The following GLIS1 variants were observed in gnomAD, a reference collection of about 807,000 sequenced individuals.
GLIS1 encodes the protein zinc finger protein GLIS1.
Under a neutral mutation model 63.8 loss-of-function variants are expected in GLIS1, and 24 were observed. The ratio of observed to expected loss-of-function variants is 0.38; its 90% CI spans 0.27 to 0.53. The LOEUF is 0.53. GLIS1 is among the 20% of genes least tolerant of loss of function. GLIS1 has a pLI of 0.85. For missense variants in GLIS1, 1,036 were observed against 1,074.1 expected (o/e 0.96, Z 0.50); for synonymous variants, 450 against 482.5 (o/e 0.93, Z 0.88).
At chr1:53,684,881 C>G (rs991220129) in intron 2 of GLIS1, among the ~76,000 whole-genome samples, 1 of 152,150 alleles carries the variant, frequency 6.6e-6, no homozygotes, top group Non-Finnish European at 1.5e-5. Flanking sequence ...TGGCTCTGCC[C>G]AGATCAGTGA....
At chr1:53,510,373 G>C (rs192523796) in intron 8 of GLIS1, among the ~76,000 whole-genome samples, 2 of 152,154 alleles carry the variant, frequency 1.3e-5, no homozygotes, top group African/African-American at 4.8e-5. Flanking sequence ...TTTCCTGGAC[G>C]GGCTGCTGGC....
intron 4 of GLIS1, among the ~76,000 whole-genome samples, chr1:53,588,302 C>A (rs1645156447): frequency 6.6e-6 from 1 of 152,210 alleles, no homozygotes; most frequent in African/African-American, 2.4e-5. Flanking sequence ...CATCTCTGCA[C>A]CCCCAGCTCC....
chr1:53,696,108 A>C (rs1646462726), intron 2 of GLIS1, among the ~76,000 whole-genome samples: 1 of 152,228 alleles, frequency 6.6e-6, no homozygotes, highest in Non-Finnish European at 1.5e-5. Flanking sequence ...ACAATTCTGA[A>C]GGTTTCCCTC....
chr1:53,569,421 T>C (rs1481217876), intron 4 of GLIS1, among the ~76,000 whole-genome samples: 2 of 152,094 alleles, frequency 1.3e-5, no homozygotes, highest in Non-Finnish European at 2.9e-5. Flanking sequence ...TAACTCCATG[T>C]ACCTTCCACT....
intron 1 of GLIS1, among the ~76,000 whole-genome samples, chr1:53,738,634 C>A (rs1484571236): frequency 2.0e-5 from 3 of 152,202 alleles, no homozygotes; most frequent in Admixed American, 1.3e-4. Context: ...AGAGACTCAC[C>A]CGCGACCACC....
chr1:53,650,245 G>A (rs1645890854), intron 2 of GLIS1, among the ~76,000 whole-genome samples: 2 of 152,186 alleles, frequency 1.3e-5, no homozygotes, highest in Admixed American at 1.3e-4. Flanking sequence ...ACCAGTAACT[G>A]TGCTTGATCC....
At chr1:53,702,891 G>A (rs1354605429) in intron 2 of GLIS1, among the ~76,000 whole-genome samples, 4 of 152,188 alleles carry the variant, frequency 2.6e-5, no homozygotes, top group Non-Finnish European at 5.9e-5. Flanking sequence ...GGCACTGAAG[G>A]CCACCGTGGC....
At chr1:53,675,048 C>T (rs1646197171) in intron 2 of GLIS1, among the ~76,000 whole-genome samples, 1 of 152,240 alleles carries the variant, frequency 6.6e-6, no homozygotes, top group Non-Finnish European at 1.5e-5. Flanking sequence ...TCCTCACTCA[C>T]TTCCAGCCAG....
At chr1:53,696,480 C>T (rs1405102669) in intron 2 of GLIS1, among the ~76,000 whole-genome samples, 1 of 152,158 alleles carries the variant, frequency 6.6e-6, no homozygotes, top group Non-Finnish European at 1.5e-5. Flanking sequence ...TCTGAAAGAT[C>T]GAAAAATGCA....
chr1:53,693,167 A>G (rs1365709451), intron 2 of GLIS1, among the ~76,000 whole-genome samples: 2 of 152,178 alleles, frequency 1.3e-5, no homozygotes, highest in Admixed American at 6.5e-5. Context: ...GCACTGTTTC[A>G]TAATTTAATC....
chr1:53,703,206 T>C (rs986478768), intron 2 of GLIS1, among the ~76,000 whole-genome samples: 6 of 152,348 alleles, frequency 3.9e-5, no homozygotes, highest in African/African-American at 1.2e-4. Context: ...TAACCCCACT[T>C]TATTTTCACC....
rs569620030 is a variant in GLIS1, at chr1:53,680,126, A to G, written c.259+57680T>C. Reference sequence around the variant, plus strand: ...TGAAGGAGGGAGAAGGCAGGGAGGGAGGCAGGTCTCCACTCACAGGAGATT... The same window carrying G: ...TGAAGGAGGGAGAAGGCAGGGAGGGGGGCAGGTCTCCACTCACAGGAGATT... On this transcript the variant is annotated intron_variant, in intron 2 of 10. Transcript: ENST00000628545. Among the ~76,000 whole-genome samples, 14 of 152,254 alleles carry G rather than the reference A, an allele frequency of 9.2e-5. 1 individual carries two copies. The South Asian group carries it at 1.5e-3, about 16-fold the overall frequency.
intron 2 of GLIS1, among the ~76,000 whole-genome samples, chr1:53,625,324 T>C (rs371045786): frequency 6.6e-6 from 1 of 152,150 alleles, no homozygotes; most frequent in African/African-American, 2.4e-5. Context: ...CTGGATTTAT[T>C]TGGGGGCTTT....
intron 4 of GLIS1, among the ~76,000 whole-genome samples, chr1:53,569,534 A>C (rs1317283390): frequency 2.0e-5 from 3 of 152,178 alleles, no homozygotes; most frequent in Admixed American, 6.5e-5. Flanking sequence ...ATCCTATAGG[A>C]GATATTACAC....
At chr1:53,633,820 G>A (rs562500620) in intron 2 of GLIS1, among the ~76,000 whole-genome samples, 10 of 152,238 alleles carry the variant, frequency 6.6e-5, no homozygotes, top group South Asian at 2.1e-4. Context: ...GGGGATAGGG[G>A]GAGAAATTGC....
At chr1:53,559,633 G>T (rs1340760536) in intron 4 of GLIS1, among the ~76,000 whole-genome samples, 1 of 152,144 alleles carries the variant, frequency 6.6e-6, no homozygotes, top group Non-Finnish European at 1.5e-5. Context: ...CTGCAATGCG[G>T]GACAGAGCCT....
chr1:53,736,856 G>T (rs1403469444), intron 2 of GLIS1, among the ~76,000 whole-genome samples: 1 of 152,144 alleles, frequency 6.6e-6, no homozygotes, highest in Non-Finnish European at 1.5e-5. Flanking sequence ...CTGATGCTAG[G>T]AAGTGATGCC....
At chr1:53,514,098 A>G (rs1480524339) in intron 8 of GLIS1, among the ~76,000 whole-genome samples, 1 of 152,256 alleles carries the variant, frequency 6.6e-6, no homozygotes, top group African/African-American at 2.4e-5. Flanking sequence ...GGGTGCAGGA[A>G]GAGGCTGCCC....
intron 6 of GLIS1, among the ~76,000 whole-genome samples, chr1:53,524,318 C>T (rs1368793319): frequency 6.6e-6 from 1 of 152,246 alleles, no homozygotes; most frequent in Non-Finnish European, 1.5e-5. Flanking sequence ...GGCTAAGGTC[C>T]CCTCATCTGT....
Sources: gnomAD v4.1 joint callset for allele counts (sites outside exome capture counted in the v4.1 genomes callset) on GRCh38, gnomAD v4.1.1 for gene constraint, MANE v1.5 for transcripts, NCBI Gene and HGNC (gene_info 2026-07-23, HGNC 2026-07-21) for gene names.